CHL1: variants seen among roughly 807,000 people sequenced by gnomAD.
CHL1 encodes the protein neural cell adhesion molecule L1-like protein.
A neutral mutation model predicts 141.9 loss-of-function variants in CHL1; 96 were observed. The observed-to-expected ratio is 0.68, with a 90% CI of 0.57 to 0.80. The LOEUF (loss-of-function observed/expected upper bound fraction) is 0.80, where lower values mean the gene tolerates loss of function less well. Among genes scored for constraint, CHL1 ranks in the 30% least tolerant of loss-of-function variants. CHL1 has a pLI of 0.00. For missense variants in CHL1, 1,820 were observed against 1,457.2 expected, an observed-to-expected ratio of 1.25 and a Z score of -4.05; for synonymous variants, 613 against 502.2, an observed-to-expected ratio of 1.22 and a Z score of -2.95.
chr3:295,124 G>A (rs553560928), intron 2 of CHL1, among the ~76,000 whole-genome samples: 1 of 151,784 alleles, frequency 6.6e-6, no homozygotes. Context: ...CTACTGGGTC[G>A]TTTCTGTTTG....
intron 11 of CHL1, among the ~76,000 whole-genome samples, chr3:359,556 G>A (rs1704024790): frequency 6.6e-6 from 1 of 152,108 alleles, no homozygotes; most frequent in South Asian, 2.1e-4. Context: ...ATCTGCCTCA[G>A]CCTCCCAAAG....
intron 5 of CHL1, among the ~76,000 whole-genome samples, chr3:340,277 T>C (rs2125140383): frequency 6.6e-6 from 1 of 152,336 alleles, no homozygotes; most frequent in South Asian, 2.1e-4. Flanking sequence ...AGTGGTCAAA[T>C]TTGGCTTTCC....
At chr3:257,699 T>A (rs1694308673) in intron 2 of CHL1, among the ~76,000 whole-genome samples, 1 of 152,154 alleles carries the variant, frequency 6.6e-6, no homozygotes, top group Non-Finnish European at 1.5e-5. Context: ...AGATTCAGCT[T>A]GCCACAGGTC....
chr3:378,989 T>C (rs553841756), intron 16 of CHL1, among the ~76,000 whole-genome samples: 29 of 152,336 alleles, frequency 1.9e-4, no homozygotes, highest in African/African-American at 6.5e-4. Context: ...GTGGCCACCA[T>C]GTAGTCTTTC....
At chr3:340,685 G>T (rs1291911449) in intron 5 of CHL1, 109 bp from the exon 6 acceptor site, 3 of 902,840 alleles carry the variant, frequency 3.3e-6, no homozygotes, top group Admixed American at 2.8e-5. Flanking sequence ...CTGTAGCATA[G>T]AATTTATTTA....
intron 15 of CHL1, among the ~76,000 whole-genome samples, chr3:370,483 C>G (rs1705488544): frequency 6.7e-6 from 1 of 150,366 alleles, no homozygotes. Context: ...TGATACTTCT[C>G]TCTTTTCTTC....
chr3:199,399 A>T (rs1483455820), intron 1 of CHL1, among the ~76,000 whole-genome samples: 1 of 152,214 alleles, frequency 6.6e-6, no homozygotes, highest in East Asian at 1.9e-4. Flanking sequence ...ATGTAGACTT[A>T]CGGATCCTTT....
At chr3:370,806 T>A (rs547675547) in intron 15 of CHL1, among the ~76,000 whole-genome samples, 4 of 152,304 alleles carry the variant, frequency 2.6e-5, no homozygotes, top group Admixed American at 1.3e-4. Flanking sequence ...ATACATTGTG[T>A]CTTTGTTCTC....
chr3:291,241 T>C (rs1356340839), intron 2 of CHL1, among the ~76,000 whole-genome samples: 1 of 151,998 alleles, frequency 6.6e-6, no homozygotes, highest in Non-Finnish European at 1.5e-5. Flanking sequence ...GAAAACCTTT[T>C]GAATTTATTT....
At chr3:378,569 C>T (rs1340398412) in intron 16 of CHL1, among the ~76,000 whole-genome samples, 1 of 152,174 alleles carries the variant, frequency 6.6e-6, no homozygotes, top group African/African-American at 2.4e-5. Flanking sequence ...CAAAATTTCC[C>T]TTCCAGATTC....
intron 1 of CHL1, among the ~76,000 whole-genome samples, chr3:215,183 G>A (rs1251689405): frequency 1.3e-5 from 2 of 152,128 alleles, no homozygotes; most frequent in African/African-American, 4.8e-5. Context: ...ATCAACAGAT[G>A]AATAAAGAAA....
chr3:212,615 A>G (rs1187528416), intron 1 of CHL1, among the ~76,000 whole-genome samples: 1 of 152,046 alleles, frequency 6.6e-6, no homozygotes, highest in East Asian at 1.9e-4. Context: ...CTTCCTGAAA[A>G]TTTCCCCTGG....
At position 229,805 on chromosome 3, in the gene CHL1, C is replaced by T. The variant is rs144396778; in HGVS notation, c.-174-14808C>T. Among the ~76,000 whole-genome samples, 137 of 152,254 alleles carry T rather than the reference C, an allele frequency of 9.0e-4. 1 individual carries two copies. Among genetic ancestry groups the T allele is most frequent in the African/African-American group, 3.1e-3 (130 of 41,552 alleles). On this transcript the variant is annotated intron_variant, in intron 1 of 27. Coordinates refer to ENST00000256509, the MANE Select transcript of CHL1 (RefSeq NM_006614.4). Reference sequence around the variant, plus strand: ...GACTGTGCACAGTTTAGAACTTAATCTTTAAATTCTTTTTGCCTTGAACTT... The same window carrying T: ...GACTGTGCACAGTTTAGAACTTAATTTTTAAATTCTTTTTGCCTTGAACTT...
chr3:213,769 A>G (rs2124923702), intron 1 of CHL1: 1 of 152,374 alleles, frequency 6.6e-6, no homozygotes. Context: ...CAAAGAAGAC[A>G]TTCAATTGCA....
At position 252,324 on chromosome 3, in the gene CHL1, C is replaced by A. The variant is rs147378881; in HGVS notation, c.-95+7632C>A. On this transcript the variant is annotated intron_variant, in intron 2 of 27. Transcript: ENST00000256509. ...ATTATATTTATGTTAAACATTTAAT[C>A]TTTCTTTGTAGAGCCACAGATTTAA... 3.8e-3 allele frequency among the ~76,000 whole-genome samples: 496 copies of A among 132,004 alleles called. 1 individual carries two copies. Among genetic ancestry groups the A allele is most frequent in the African/African-American group, 0.013 (458 of 35,444 alleles). The allele number at this position is 132,004 out of a possible 152,430, so 86.6% of individuals were successfully genotyped here. A position where few individuals can be genotyped will look rare whatever the true frequency, so the allele number is the denominator to read the frequency against.
chr3:226,869 A>G (rs1289244339), intron 1 of CHL1, among the ~76,000 whole-genome samples: 1 of 152,168 alleles, frequency 6.6e-6, no homozygotes, highest in Admixed American at 6.5e-5. Flanking sequence ...TTCTAAGTAG[A>G]CTTCATATAG....
chr3:231,488 T>C (rs1368949463), intron 1 of CHL1, among the ~76,000 whole-genome samples: 1 of 152,090 alleles, frequency 6.6e-6, no homozygotes, highest in Non-Finnish European at 1.5e-5. Flanking sequence ...CTATATTTTC[T>C]GCTAAGTGTT....
intron 2 of CHL1, among the ~76,000 whole-genome samples, chr3:249,244 G>C (rs1003132548): frequency 6.6e-6 from 1 of 152,132 alleles, no homozygotes; most frequent in Non-Finnish European, 1.5e-5. Flanking sequence ...TGATGAAGCA[G>C]GGCATTAAAA....
intron 2 of CHL1, among the ~76,000 whole-genome samples, chr3:295,336 C>G (rs998551692): frequency 8.5e-5 from 13 of 152,190 alleles, no homozygotes; most frequent in Non-Finnish European, 5.9e-5. Flanking sequence ...TTTCTAGTGT[C>G]CCGAAGCCAC....
Sources: gnomAD v4.1 joint callset for allele counts (sites outside exome capture counted in the v4.1 genomes callset) on GRCh38, gnomAD v4.1.1 for gene constraint, MANE v1.5 for transcripts, NCBI Gene and HGNC (gene_info 2026-07-23, HGNC 2026-07-21) for gene names.